Variants in RAB27B observed in about 807,000 individuals in gnomAD.
RAB27B encodes RAB27B, member RAS oncogene family.
RAB27B carries 15 observed loss-of-function variants against 24.6 expected under a neutral mutation model. The observed-to-expected ratio is 0.61, with a 90% confidence interval of 0.41 to 0.94. The LOEUF is 0.94. Ranked by LOEUF, RAB27B falls within the 40% of genes least tolerant of loss-of-function variation. RAB27B has a pLI of 0.00. For missense variants in RAB27B, 261 were observed against 266.8 expected (o/e 0.98, Z 0.15); for synonymous variants, 105 against 92.5 (o/e 1.14, Z -0.78).
At position 54,891,751 on chromosome 18, in the gene RAB27B, C is replaced by G. The variant is rs1913378066; in HGVS notation, c.*2338C>G. Reference sequence around the variant, plus strand: ...TATTTAATGAGTGTTTTTTCAGGGTCTGTTTTAAGATCATTATTTGATAGC... The same window carrying G: ...TATTTAATGAGTGTTTTTTCAGGGTGTGTTTTAAGATCATTATTTGATAGC... On this transcript the variant is annotated 3_prime_UTR_variant, in exon 6 of 6. Transcript: ENST00000262094. 1 of 151,904 alleles carries G rather than the reference C, an allele frequency of 6.6e-6. No individual in the cohort carries two copies. The highest frequency in any genetic ancestry group is 1.5e-5 in the Non-Finnish European group (1 of 67,962). The allele number at this position is 151,904 out of a possible 1,614,324, so 9.4% of individuals were successfully genotyped here.
Position 54,893,619 on chromosome 18 carries a change from T to C in RAB27B, c.*4206T>C, listed in dbSNP as rs1353003136. The C allele has an allele frequency of 6.6e-6, 1 of 152,018 alleles. No individual in the cohort carries two copies. The allele number at this position is 152,018 out of a possible 1,614,324, so 9.4% of individuals were successfully genotyped here. On this transcript the variant is annotated 3_prime_UTR_variant, in exon 6 of 6. Coordinates refer to ENST00000262094, the MANE Select transcript of RAB27B (RefSeq NM_004163.4). ...ACATGAAAATGGATATAGGCTATTC[T>C]CTGGGATGAGTGTCATTTCAATGCT...
Position 54,877,613 on chromosome 18 carries a change from A to G in RAB27B, c.28A>G (p.Ile10Val). Residue 10 changes from isoleucine (I) to valine (V), a missense_variant, in exon 2 of 6, where the codon ATC becomes GTC. By Grantham distance (29) the Ile-to-Val change is conservative. Coordinates refer to ENST00000262094, the MANE Select transcript of RAB27B (RefSeq NM_004163.4). Reference sequence around the variant, plus strand: ...GACCGATGGAGACTATGATTATCTGATCAAACTCCTGGCCCTCGGGGATTC... The same window carrying G: ...GACCGATGGAGACTATGATTATCTGGTCAAACTCCTGGCCCTCGGGGATTC... Reference protein sequence around the residue: MTDGDYDYLIKLLALGDSGV... With the variant: MTDGDYDYLVKLLALGDSGV... 11 of 1,583,332 alleles carry G rather than the reference A, an allele frequency of 6.9e-6. No homozygotes were observed. The highest frequency in any genetic ancestry group is 9.4e-6 in the Non-Finnish European group (11 of 1,170,824).
At chr18:54,804,311 G>T (rs1219563252) in intron 2 of RAB27B, among the ~76,000 whole-genome samples, 5 of 152,112 alleles carry the variant, frequency 3.3e-5, no homozygotes, top group Admixed American at 6.6e-5. Flanking sequence ...CCCACATGTT[G>T]GTCAGGGGCA....
At chr18:54,886,948 AT>A (rs1913162142) in intron 4 of RAB27B, among the ~76,000 whole-genome samples, 1 of 149,518 alleles carries the variant, frequency 6.7e-6, no homozygotes, top group African/African-American at 2.5e-5. Context: ...GGTTTCTTAT[AT>A]TTTTTTCCCT....
At chr18:54,887,528 T>C (rs1246356193) in intron 4 of RAB27B, among the ~76,000 whole-genome samples, 1 of 152,142 alleles carries the variant, frequency 6.6e-6, no homozygotes, top group Non-Finnish European at 1.5e-5. Context: ...ATTGAAAAGA[T>C]CTTCCAGAGG....
chr18:54,799,252 A>G (rs2145126116), intron 2 of RAB27B, among the ~76,000 whole-genome samples: 1 of 152,270 alleles, frequency 6.6e-6, no homozygotes, highest in South Asian at 2.1e-4. Flanking sequence ...TGTTTGGACC[A>G]CTTCATTTAT....
At chr18:54,787,256 GT>G (rs981333222) in intron 2 of RAB27B, among the ~76,000 whole-genome samples, 1 of 152,216 alleles carries the variant, frequency 6.6e-6, no homozygotes, top group African/African-American at 2.4e-5. Context: ...ATTATCTGGA[GT>G]TGTAGTTCAC....
chr18:54,772,826 T>G (rs576378148), intron 2 of RAB27B, among the ~76,000 whole-genome samples: 1 of 152,328 alleles, frequency 6.6e-6, no homozygotes, highest in African/African-American at 2.4e-5. Context: ...TATACCTACC[T>G]TGTATATTGC....
chr18:54,848,002 A>G (rs1262413361), intron 1 of RAB27B, among the ~76,000 whole-genome samples: 1 of 152,250 alleles, frequency 6.6e-6, no homozygotes, highest in Admixed American at 6.5e-5. Flanking sequence ...GCAAAAGGAA[A>G]GTGATGTTCA....
intron 2 of RAB27B, among the ~76,000 whole-genome samples, chr18:54,777,933 C>T (rs41339444): frequency 0.031 from 4,686 of 149,166 alleles, 254 homozygotes; most frequent in African/African-American, 0.11. Flanking sequence ...CACTAATTGT[C>T]TCCGGCAAAA....
At chr18:54,852,964 T>C (rs1911644737) in intron 1 of RAB27B, among the ~76,000 whole-genome samples, 1 of 152,202 alleles carries the variant, frequency 6.6e-6, no homozygotes, top group African/African-American at 2.4e-5. Flanking sequence ...GAACGCAATA[T>C]GAGTATCTGT....
At chr18:54,726,732 A>G (rs1208289637) in intron 2 of RAB27B, among the ~76,000 whole-genome samples, 1 of 151,580 alleles carries the variant, frequency 6.6e-6, no homozygotes. Context: ...TTGTATAAAC[A>G]CTTCTACCTT....
At chr18:54,830,573 T>C (rs1910635761) in intron 1 of RAB27B, among the ~76,000 whole-genome samples, 1 of 152,200 alleles carries the variant, frequency 6.6e-6, no homozygotes, top group South Asian at 2.1e-4. Flanking sequence ...CCATGAAGAA[T>C]ATGTCACTTT....
intron 2 of RAB27B, among the ~76,000 whole-genome samples, chr18:54,793,660 T>C (rs567597182): frequency 1.3e-5 from 2 of 152,320 alleles, no homozygotes; most frequent in Non-Finnish European, 2.9e-5. Context: ...ACAAATAAAG[T>C]CTTCCTCGTG....
chr18:54,834,567 G>A (rs978771775), intron 1 of RAB27B, among the ~76,000 whole-genome samples: 4 of 151,734 alleles, frequency 2.6e-5, no homozygotes, highest in African/African-American at 9.7e-5. Flanking sequence ...TTCCATTTAT[G>A]TGTCTATCCC....
intron 2 of RAB27B, among the ~76,000 whole-genome samples, chr18:54,750,374 A>G (rs1907793422): frequency 6.6e-6 from 1 of 152,198 alleles, no homozygotes; most frequent in African/African-American, 2.4e-5. Context: ...TAATGTTTAA[A>G]GTTTTAAATT....
At chr18:54,881,422 T>C (rs1912920338) in intron 3 of RAB27B, among the ~76,000 whole-genome samples, 1 of 152,096 alleles carries the variant, frequency 6.6e-6, no homozygotes, top group Admixed American at 6.5e-5. Context: ...GGAGTTAGTA[T>C]GAAACATGTG....
upstream of RAB27B, among the ~76,000 whole-genome samples, chr18:54,825,900 C>T (rs1261016405): frequency 6.6e-6 from 1 of 152,204 alleles, no homozygotes; most frequent in Non-Finnish European, 1.5e-5. Flanking sequence ...TAGGCCTGAG[C>T]CTGCCCAGGT....
At chr18:54,884,856 T>A (rs1913069732) in intron 4 of RAB27B, among the ~76,000 whole-genome samples, 1 of 152,112 alleles carries the variant, frequency 6.6e-6, no homozygotes, top group Admixed American at 6.6e-5. Context: ...ACTGAAGGTG[T>A]GTTAAACACT....
Sources: gnomAD v4.1 joint callset for allele counts (sites outside exome capture counted in the v4.1 genomes callset) on GRCh38, gnomAD v4.1.1 for gene constraint, MANE v1.5 for transcripts, NCBI Gene and HGNC (gene_info 2026-07-23, HGNC 2026-07-21) for gene names.